The following CNOT8 variants were observed in gnomAD, a reference collection of about 807,000 sequenced individuals.
CNOT8 encodes CCR4-NOT transcription complex subunit 8.
In CNOT8, 18 loss-of-function variants were observed where a neutral mutation model predicts 34.6. The observed-to-expected ratio is 0.52, with a 90% confidence interval of 0.36 to 0.77. CNOT8 has a LOEUF of 0.77. CNOT8 is among the 30% of genes least tolerant of loss of function. The probability of loss-of-function intolerance (pLI) is 0.00; values close to 1 mark genes in which losing one functional copy is unlikely to be tolerated. For missense variants in CNOT8, 189 were observed against 347.9 expected (o/e 0.54, Z 3.63); for synonymous variants, 101 against 118.8 (o/e 0.85, Z 0.98).
At chr5:154,860,056 T>G (rs1485339559) in intron 1 of CNOT8, among the ~76,000 whole-genome samples, 1 of 152,140 alleles carries the variant, frequency 6.6e-6, no homozygotes, top group Non-Finnish European at 1.5e-5. Context: ...TCCTGGACGG[T>G]TTTTCCTTCA....
chr5:154,869,981 C>A (rs754344420), intron 3 of CNOT8, among the ~76,000 whole-genome samples: 4 of 152,160 alleles, frequency 2.6e-5, no homozygotes. Flanking sequence ...CTGGTTTGAA[C>A]TCTGGGCCTC....
chr5:154,868,181 C>T (rs1442938940), intron 3 of CNOT8, among the ~76,000 whole-genome samples: 1 of 151,912 alleles, frequency 6.6e-6, no homozygotes, highest in Non-Finnish European at 1.5e-5. Flanking sequence ...TTGTGATCCG[C>T]CCGCCTTGGC....
intron 1 of CNOT8, chr5:154,859,765 A>C (rs1247257541): frequency 1.3e-5 from 2 of 152,210 alleles, no homozygotes; most frequent in East Asian, 3.8e-4. Context: ...TTTCCTGTGT[A>C]AATAAGAAGC....
At chr5:154,868,854 A>G (rs816723) in intron 3 of CNOT8, among the ~76,000 whole-genome samples, 147,877 of 152,262 alleles carry the variant, frequency 0.97, 72,137 homozygotes, top group Non-Finnish European at 0.99. Context: ...GGCCTGGACC[A>G]CTTCCTCCCT....
chr5:154,866,350 C>T (rs549248296), intron 3 of CNOT8, among the ~76,000 whole-genome samples: 109 of 152,196 alleles, frequency 7.2e-4, no homozygotes, highest in Admixed American at 1.2e-3. Flanking sequence ...AAGTGATCAG[C>T]CCGCTTTGGC....
In CNOT8 at chr5:154,865,187, TCCAG is replaced by T; in HGVS notation, c.118-4_118-1del. On this transcript the variant is annotated splice_acceptor_variant and splice_polypyrimidine_tract_variant and intron_variant, in intron 2 of 6. Transcript: ENST00000285896. LOFTEE classifies it high-confidence loss of function. ...CTTGTGATGAGAGACTTTTTCCTTT[TCCAG>T]GACACAGAATTTCCAGGTGTTGTGG... is the stretch of plus-strand genomic sequence containing the variant. 1 of 1,556,610 alleles carries T rather than the reference TCCAG, an allele frequency of 6.4e-7. No individual in the cohort carries two copies. The highest frequency in any genetic ancestry group is 8.7e-7 in the Non-Finnish European group (1 of 1,154,410).
chr5:154,866,998 A>G (rs1456795298), intron 3 of CNOT8, among the ~76,000 whole-genome samples: 2 of 152,244 alleles, frequency 1.3e-5, no homozygotes, highest in Admixed American at 6.5e-5. Context: ...ATTTAAGTGG[A>G]AAAGAAACTT....
intron 4 of CNOT8, 120 bp from the exon 5 acceptor site, chr5:154,871,610 C>T: frequency 1.6e-6 from 1 of 613,012 alleles, no homozygotes; most frequent in Non-Finnish European, 2.8e-6. Context: ...ATAAACTACT[C>T]AGAAAAAGTG....
chr5:154,869,415 G>A (rs1244574657), intron 3 of CNOT8, among the ~76,000 whole-genome samples: 2 of 147,680 alleles, frequency 1.4e-5, no homozygotes, highest in African/African-American at 2.5e-5. Context: ...CACCCCACCC[G>A]GCCTTGTTGG....
At chr5:154,866,640 C>T (rs545226212) in intron 3 of CNOT8, among the ~76,000 whole-genome samples, 2 of 152,278 alleles carry the variant, frequency 1.3e-5, no homozygotes, top group African/African-American at 2.4e-5. Flanking sequence ...CGTGGTGGCT[C>T]ACGCCTGTAA....
At position 154,872,522 on chromosome 5, in the gene CNOT8, G is replaced by A. The variant is rs772466625; in HGVS notation, c.619-19G>A. On this transcript the variant is annotated intron_variant, in intron 5 of 6. Transcript: ENST00000285896. ...ATGTTGGGTTTGTAATATTATCTTT[G>A]TTCTCCATACATCTCCAGGGAGGTC... is the stretch of plus-strand genomic sequence containing the variant. 3 of 1,543,044 alleles carry A rather than the reference G, an allele frequency of 1.9e-6. No individual in the cohort carries two copies. Among genetic ancestry groups the A allele is most frequent in the Non-Finnish European group, 2.7e-6 (3 of 1,121,600 alleles).
chr5:154,868,080 G>A (rs1762073846), intron 3 of CNOT8, among the ~76,000 whole-genome samples: 1 of 151,704 alleles, frequency 6.6e-6, no homozygotes, highest in African/African-American at 2.4e-5. Context: ...GGGATTACAG[G>A]CGCCCACCAC....
intron 4 of CNOT8, among the ~76,000 whole-genome samples, chr5:154,871,497 T>C (rs1762474657): frequency 6.7e-6 from 1 of 149,308 alleles, no homozygotes; most frequent in South Asian, 2.1e-4. Flanking sequence ...GAGGTGAAGG[T>C]TGCAGTGAGC....
At chr5:154,875,175 A>T in intron 6 of CNOT8, 115 bp from the exon 7 acceptor site, 1 of 1,195,562 alleles carries the variant, frequency 8.4e-7, no homozygotes, top group Non-Finnish European at 1.2e-6. Context: ...CCTCAGCCTC[A>T]CAAAGTGCTT....
chr5:154,865,436 A>G (rs758735466), intron 3 of CNOT8, 51 bp downstream of exon 3: 16 of 1,379,458 alleles, frequency 1.2e-5, no homozygotes, highest in Non-Finnish European at 1.6e-5. Flanking sequence ...TTTTCACTGA[A>G]TCCAGGTGGG....
At position 154,859,381 on chromosome 5, in the gene CNOT8, T is replaced by C. The variant is rs1038787862; in HGVS notation, c.-73+613T>C. 2.0e-5 allele frequency: 3 copies of C among 152,178 alleles called. No individual in the cohort carries two copies. In the South Asian group the frequency reaches 6.2e-4, roughly 31 times the overall value. 9.4% of individuals were successfully genotyped at this position (152,178 alleles called of 1,614,324 possible). ...TTGCGGCCCCATAACTTTTTCTTGG[T>C]GTTCTATGGCTTTATGAATGGAGGA... is the stretch of plus-strand genomic sequence containing the variant. On this transcript the variant is annotated intron_variant, in intron 1 of 6. Transcript: ENST00000285896.
rs1761672912 is a variant in CNOT8 at position 154,864,465 on chromosome 5, A to C, written c.118-727A>C. Among the ~76,000 whole-genome samples the C allele has an allele frequency of 3.3e-5, 5 of 152,114 alleles. No homozygotes were observed. In the South Asian group the frequency reaches 1.0e-3, roughly 31 times the overall value. On this transcript the variant is annotated intron_variant, in intron 2 of 6. Transcript: ENST00000285896. ...AGAGCGAGACTCCGTCCCAAAAAAA[A>C]AAAAGAAATTACAGAGTTAAGTCTT...
chr5:154,871,360 A>G (rs1762463744), intron 4 of CNOT8, among the ~76,000 whole-genome samples: 1 of 152,018 alleles, frequency 6.6e-6, no homozygotes, highest in African/African-American at 2.4e-5. Context: ...GGAGTTCGAG[A>G]CCAGCCTGGC....
intron 4 of CNOT8, among the ~76,000 whole-genome samples, chr5:154,871,097 G>T (rs1403297236): frequency 5.3e-5 from 8 of 152,096 alleles, no homozygotes; most frequent in Non-Finnish European, 1.0e-4. Context: ...ACAGTACTTG[G>T]TTATCTTTTA....
Sources: gnomAD v4.1 joint callset for allele counts (sites outside exome capture counted in the v4.1 genomes callset) on GRCh38, gnomAD v4.1.1 for gene constraint, MANE v1.5 for transcripts, NCBI Gene and HGNC (gene_info 2026-07-23, HGNC 2026-07-21) for gene names.